The following PTPRM variants were observed in gnomAD, a reference collection of about 807,000 sequenced individuals.
PTPRM encodes receptor-type tyrosine-protein phosphatase mu.
A neutral mutation model predicts 186.7 loss-of-function variants in PTPRM; 47 were observed. The observed-to-expected ratio is 0.25, with a 90% confidence interval of 0.20 to 0.32. PTPRM has a LOEUF of 0.32. Among genes scored for constraint, PTPRM ranks in the 10% least tolerant of loss-of-function variants. PTPRM has a pLI of 1.00. For missense variants in PTPRM, 1,494 were observed against 1,865.0 expected, an observed-to-expected ratio of 0.80 and a Z score of 3.66; for synonymous variants, 668 against 674.9, an observed-to-expected ratio of 0.99 and a Z score of 0.16.
intron 32 of PTPRM, chr18:8,405,031 C>T (rs2095895852): frequency 6.6e-6 from 1 of 152,164 alleles, no homozygotes; most frequent in Non-Finnish European, 1.5e-5. Context: ...GATGTGGTGA[C>T]TCGTGCCTAT....
chr18:7,666,546 C>G lies in PTPRM; in HGVS notation c.73+98655C>G, dbSNP rs576645277. Among the ~76,000 whole-genome samples, 583 of 152,202 alleles carry G rather than the reference C, an allele frequency of 3.8e-3. 2 individuals are homozygous for G. Among genetic ancestry groups the G allele is most frequent in the Non-Finnish European group, 5.2e-3 (354 of 68,020 alleles). ...GACGAGTCTTCACAGTACTTTGTCCCAACACTAGGGGCAATTATATAGATT... is the reference window on the plus strand; with the variant it reads ...GACGAGTCTTCACAGTACTTTGTCCGAACACTAGGGGCAATTATATAGATT... On this transcript the variant is annotated intron_variant, in intron 1 of 32. Transcript: ENST00000580170.
chr18:8,121,124 C>T (rs2092156040), intron 13 of PTPRM, among the ~76,000 whole-genome samples: 1 of 152,188 alleles, frequency 6.6e-6, no homozygotes, highest in Non-Finnish European at 1.5e-5. Flanking sequence ...CTTAACAAAA[C>T]TAGAATATGT....
chr18:7,853,703 GGAATA>G (rs924855599), intron 2 of PTPRM, among the ~76,000 whole-genome samples: 1 of 152,000 alleles, frequency 6.6e-6, no homozygotes, highest in African/African-American at 2.4e-5. Context: ...TTGGAAAGGG[GGAATA>G]GAATGTGAAC....
chr18:8,405,699 G>T (rs1228842412), intron 32 of PTPRM, among the ~76,000 whole-genome samples: 1 of 152,200 alleles, frequency 6.6e-6, no homozygotes, highest in African/African-American at 2.4e-5. Context: ...GCTGGATCAT[G>T]CATGAGGCCT....
At chr18:8,046,712 A>G (rs1489655734) in intron 7 of PTPRM, among the ~76,000 whole-genome samples, 1 of 152,140 alleles carries the variant, frequency 6.6e-6, no homozygotes, top group African/African-American at 2.4e-5. Flanking sequence ...CTTCCTCACA[A>G]GAAGATCTAG....
intron 2 of PTPRM, among the ~76,000 whole-genome samples, chr18:7,817,326 C>T (rs868376132): frequency 4.6e-5 from 7 of 151,990 alleles, no homozygotes; most frequent in South Asian, 2.1e-4. Flanking sequence ...ATTGCTATAA[C>T]GGGTATCAGT....
At chr18:7,805,192 A>AT (rs1249447492) in intron 2 of PTPRM, among the ~76,000 whole-genome samples, 2 of 152,144 alleles carry the variant, frequency 1.3e-5, no homozygotes, top group Admixed American at 1.3e-4. Context: ...AACCTGACAC[A>AT]TTTTTCTACT....
chr18:7,907,346 A>G lies in PTPRM; in HGVS notation c.547+763A>G, dbSNP rs868004493. Among the ~76,000 whole-genome samples, 61 of 152,186 alleles carry G rather than the reference A, an allele frequency of 4.0e-4. 1 individual carries two copies. Among genetic ancestry groups the G allele is most frequent in the African/African-American group, 1.4e-3 (58 of 41,442 alleles). ...TTGAAGCAGAAAAGGCATCCTGTTG[A>G]TAGAGAATTGGAGGGCAGTGGTATT... On this transcript the variant is annotated intron_variant, in intron 4 of 32. Coordinates refer to ENST00000580170, the MANE Select transcript of PTPRM (RefSeq NM_001105244.2).
chr18:8,134,763 C>G (rs1477909931), intron 13 of PTPRM, among the ~76,000 whole-genome samples: 1 of 152,124 alleles, frequency 6.6e-6, no homozygotes, highest in Non-Finnish European at 1.5e-5. Context: ...AGGCCCTCCT[C>G]TTTACAACTG....
At chr18:7,624,045 T>A (rs2038002046) in intron 1 of PTPRM, among the ~76,000 whole-genome samples, 1 of 152,192 alleles carries the variant, frequency 6.6e-6, no homozygotes. Context: ...GATCTGAAAC[T>A]GGATCAGGCG....
intron 13 of PTPRM, among the ~76,000 whole-genome samples, chr18:8,138,023 C>T (rs771113256): frequency 6.6e-6 from 1 of 152,138 alleles, no homozygotes; most frequent in Non-Finnish European, 1.5e-5. Context: ...GCTGCTAATT[C>T]GGAGGCTGTG....
intron 1 of PTPRM, among the ~76,000 whole-genome samples, chr18:7,759,265 C>T (rs762539239): frequency 3.3e-5 from 5 of 152,164 alleles, no homozygotes; most frequent in Admixed American, 6.5e-5. Flanking sequence ...TCCAATATGG[C>T]CAAGGGCCAA....
At chr18:7,694,885 AAAAG>A (rs1454958499) in intron 1 of PTPRM, among the ~76,000 whole-genome samples, 4 of 152,204 alleles carry the variant, frequency 2.6e-5, no homozygotes, top group Non-Finnish European at 4.4e-5. Context: ...AAAAAAAGTA[AAAAG>A]AAAGAAACAG....
At chr18:8,390,970 A>ATAAT (rs58031271) in intron 31 of PTPRM, among the ~76,000 whole-genome samples, 7 of 149,700 alleles carry the variant, frequency 4.7e-5, no homozygotes, top group African/African-American at 1.7e-4. Context: ...AATAATAATA[A>ATAAT]AGATGTCCCG....
intron 1 of PTPRM, among the ~76,000 whole-genome samples, chr18:7,639,012 CT>C (rs2038382811): frequency 6.6e-6 from 1 of 152,088 alleles, no homozygotes. Context: ...AGTGTTTTAC[CT>C]TGTAAATTTT....
chr18:8,394,764 C>CT (rs796161717), intron 32 of PTPRM, among the ~76,000 whole-genome samples, 153 bp downstream of exon 32: 5 of 152,254 alleles, frequency 3.3e-5, no homozygotes, highest in African/African-American at 1.2e-4. Flanking sequence ...CTTTTTTCTT[C>CT]TTTCTTGTTC....
intron 1 of PTPRM, among the ~76,000 whole-genome samples, chr18:7,641,985 C>T (rs2038454334): frequency 6.6e-6 from 1 of 152,108 alleles, no homozygotes; most frequent in African/African-American, 2.4e-5. Context: ...AGTATAGGAG[C>T]ACTGTCTGGT....
intron 32 of PTPRM, among the ~76,000 whole-genome samples, chr18:8,405,363 G>T (rs939323294): frequency 4.6e-5 from 7 of 152,112 alleles, no homozygotes; most frequent in Non-Finnish European, 1.0e-4. Flanking sequence ...CTTTGAGAGT[G>T]AAAGAGGGTT....
intron 13 of PTPRM, among the ~76,000 whole-genome samples, chr18:8,138,377 G>A (rs537555039): frequency 1.5e-4 from 23 of 151,960 alleles, no homozygotes; most frequent in Non-Finnish European, 2.6e-4. Flanking sequence ...TCTCTCTCAC[G>A]CCTTAGCCCC....
Sources: gnomAD v4.1 joint callset for allele counts (sites outside exome capture counted in the v4.1 genomes callset) on GRCh38, gnomAD v4.1.1 for gene constraint, MANE v1.5 for transcripts, NCBI Gene and HGNC (gene_info 2026-07-23, HGNC 2026-07-21) for gene names.